Variants in MACC1 observed in about 807,000 individuals in gnomAD.
The protein encoded by MACC1 is metastasis-associated in colon cancer protein 1.
Under a neutral mutation model 70.7 loss-of-function variants are expected in MACC1, and 79 were observed. That is an observed-to-expected ratio of 1.12 (90% CI 0.93 to 1.35). The LOEUF (loss-of-function observed/expected upper bound fraction) is 1.35, where lower values mean the gene tolerates loss of function less well. MACC1 is among the 40% of genes most tolerant of loss of function. The pLI, the probability that MACC1 is intolerant of heterozygous loss-of-function variation, is 0.00. For missense variants in MACC1, 1,106 were observed against 978.1 expected (o/e 1.13, Z -1.74); for synonymous variants, 361 against 347.2 (o/e 1.04, Z -0.44).
At chr7:20,152,119 T>C (rs773733007) in intron 6 of MACC1, among the ~76,000 whole-genome samples, 1 of 151,802 alleles carries the variant, frequency 6.6e-6, no homozygotes. Flanking sequence ...TAAGATACAA[T>C]AAAAATAGAA....
Position 20,154,390 on chromosome 7 carries a change from A to T in MACC1, c.2158-9T>A. On this transcript the variant is annotated splice_polypyrimidine_tract_variant and intron_variant, in intron 5 of 6. Coordinates refer to ENST00000400331, the MANE Select transcript of MACC1 (RefSeq NM_182762.4). ...TCCATTTTCAGAAGAGCCTGCAGCA[A>T]CAATTACATGTCACAATTAAAAGCA... 1 of 1,610,200 alleles carries T rather than the reference A, an allele frequency of 6.2e-7. No homozygotes were observed. Among genetic ancestry groups the T allele is most frequent in the Non-Finnish European group, 8.5e-7 (1 of 1,177,710 alleles).
At chr7:20,185,713 C>G (rs1474206728) in intron 1 of MACC1, among the ~76,000 whole-genome samples, 1 of 152,134 alleles carries the variant, frequency 6.6e-6, no homozygotes, top group Non-Finnish European at 1.5e-5. Flanking sequence ...TGTACGTTAA[C>G]TTAAATCTTC....
At chr7:20,204,750 C>G (rs1782884780) in intron 1 of MACC1, among the ~76,000 whole-genome samples, 1 of 152,174 alleles carries the variant, frequency 6.6e-6, no homozygotes, top group Non-Finnish European at 1.5e-5. Flanking sequence ...TGCATTCACA[C>G]TGTAAGTTTG....
chr7:20,172,486 C>CAT (rs1323210473), intron 1 of MACC1, among the ~76,000 whole-genome samples: 1 of 151,956 alleles, frequency 6.6e-6, no homozygotes, highest in African/African-American at 2.4e-5. Context: ...TATATACGCA[C>CAT]ATATATATAC....
chr7:20,202,576 C>T (rs187056314), intron 1 of MACC1, among the ~76,000 whole-genome samples: 2 of 152,278 alleles, frequency 1.3e-5, no homozygotes, highest in African/African-American at 4.8e-5. Context: ...TTGTTATTCC[C>T]TTTCCACTAT....
chr7:20,170,408 T>A (rs1020009016), intron 2 of MACC1: 5 of 152,212 alleles, frequency 3.3e-5, no homozygotes, highest in Non-Finnish European at 5.9e-5. Context: ...TCTTAGACAA[T>A]GTAATGAGTG....
chr7:20,149,331 A>G (rs140147766), intron 6 of MACC1, among the ~76,000 whole-genome samples: 2,013 of 152,318 alleles, frequency 0.013, 41 homozygotes, highest in Admixed American at 0.04. Flanking sequence ...TTATATAGTT[A>G]TCAAATTCAC....
chr7:20,176,097 G>A, intron 1 of MACC1, among the ~76,000 whole-genome samples: 1 of 152,002 alleles, frequency 6.6e-6, no homozygotes, highest in Non-Finnish European at 1.5e-5. Flanking sequence ...ATAGTGATTT[G>A]TAAACTGTAA....
At chr7:20,165,876 G>T (rs1173965239) in intron 2 of MACC1, among the ~76,000 whole-genome samples, 2 of 152,016 alleles carry the variant, frequency 1.3e-5, no homozygotes, top group Non-Finnish European at 2.9e-5. Flanking sequence ...ACAAAGTTTT[G>T]CCCTTATTTA....
intron 1 of MACC1, among the ~76,000 whole-genome samples, chr7:20,186,779 A>C (rs893026607): frequency 6.6e-6 from 1 of 152,190 alleles, no homozygotes; most frequent in Non-Finnish European, 1.5e-5. Context: ...ACCCAAACAA[A>C]TTAGTATAAA....
intron 1 of MACC1, among the ~76,000 whole-genome samples, chr7:20,188,164 T>C (rs1188215995): frequency 6.6e-6 from 1 of 152,174 alleles, no homozygotes; most frequent in African/African-American, 2.4e-5. Flanking sequence ...GATTCAATTA[T>C]CTCCACCTGG....
intron 1 of MACC1, among the ~76,000 whole-genome samples, chr7:20,214,913 T>C (rs886086565): frequency 6.6e-6 from 1 of 152,156 alleles, no homozygotes; most frequent in African/African-American, 2.4e-5. Context: ...ATCTCAACTC[T>C]GCACATTTTT....
At chr7:20,215,636 C>A (rs1783058365) in intron 1 of MACC1, among the ~76,000 whole-genome samples, 1 of 152,154 alleles carries the variant, frequency 6.6e-6, no homozygotes, top group African/African-American at 2.4e-5. Flanking sequence ...TCACTTATCA[C>A]CAAATGCCAT....
rs1487223555 is a variant in MACC1, at chr7:20,159,228, T to A, written c.1133A>T (p.Lys378Ile). 6.2e-7 allele frequency: 1 copy of A among 1,613,872 alleles called. No individual in the cohort carries two copies. The highest frequency in any genetic ancestry group is 8.5e-7 in the Non-Finnish European group (1 of 1,179,984). Reference protein sequence around the residue: ...KTTSIGIYGPKYIHPSFTVVL... With the variant: ...KTTSIGIYGPIYIHPSFTVVL... ...AACAGTAAAACTGGGATGGATATAT[T>A]TGGGTCCATAAATTCCAATTGAGGT... Residue 378 changes from lysine (K) to isoleucine (I), a missense_variant, in exon 5 of 7, where the codon AAA becomes ATA. Coordinates refer to ENST00000400331, the MANE Select transcript of MACC1 (RefSeq NM_182762.4).
intron 3 of MACC1, among the ~76,000 whole-genome samples, chr7:20,162,970 A>T (rs545078255): frequency 2.8e-4 from 43 of 152,192 alleles, no homozygotes; most frequent in Non-Finnish European, 4.9e-4. Context: ...AAAGGACATC[A>T]GTAAAAACAC....
At chr7:20,173,979 G>C (rs1222193209) in intron 1 of MACC1, among the ~76,000 whole-genome samples, 4 of 152,082 alleles carry the variant, frequency 2.6e-5, no homozygotes, top group Non-Finnish European at 5.9e-5. Context: ...AAATTGGTTT[G>C]GGTGTATGGT....
chr7:20,214,642 C>A (rs192404575), intron 1 of MACC1, among the ~76,000 whole-genome samples: 1 of 151,918 alleles, frequency 6.6e-6, no homozygotes, highest in African/African-American at 2.4e-5. Flanking sequence ...TACTTTTTGC[C>A]TACTAACATT....
chr7:20,185,891 C>G (rs866713064), intron 1 of MACC1, among the ~76,000 whole-genome samples: 2 of 152,128 alleles, frequency 1.3e-5, no homozygotes, highest in African/African-American at 2.4e-5. Flanking sequence ...GATTAATTAA[C>G]CTACCCAACA....
At chr7:20,150,941 G>C (rs1326323337) in intron 6 of MACC1, among the ~76,000 whole-genome samples, 1 of 152,010 alleles carries the variant, frequency 6.6e-6, no homozygotes, top group Non-Finnish European at 1.5e-5. Context: ...CCAGCTACTT[G>C]GGAGGCTGAG....
Sources: gnomAD v4.1 joint callset for allele counts (sites outside exome capture counted in the v4.1 genomes callset) on GRCh38, gnomAD v4.1.1 for gene constraint, MANE v1.5 for transcripts, NCBI Gene and HGNC (gene_info 2026-07-23, HGNC 2026-07-21) for gene names.